Variants in VRK2 observed in about 807,000 individuals in gnomAD.
VRK2 encodes the protein serine/threonine-protein kinase VRK2.
Under a neutral mutation model 57.6 loss-of-function variants are expected in VRK2, and 60 were observed. That is an observed-to-expected ratio of 1.04 (90% CI 0.85 to 1.29). VRK2 has a LOEUF of 1.29. VRK2 is among the 50% of genes most tolerant of loss of function. VRK2 has a pLI of 0.00. For missense variants in VRK2, 705 were observed against 588.1 expected (o/e 1.20, Z -2.06); for synonymous variants, 231 against 199.2 (o/e 1.16, Z -1.35).
chr2:58,094,018 G>A (rs567348706), intron 7 of VRK2, among the ~76,000 whole-genome samples: 12 of 152,174 alleles, frequency 7.9e-5, no homozygotes, highest in African/African-American at 1.9e-4. Context: ...TGTTCCATTG[G>A]TCTATATCTC....
At chr2:58,033,626 T>C (rs184443673) in intron 3 of VRK2, 1 of 152,216 alleles carries the variant, frequency 6.6e-6, no homozygotes, top group East Asian at 1.9e-4. Context: ...AGTAAATTAA[T>C]ACAGACTACC....
chr2:58,133,640 A>G (rs1055213683), intron 9 of VRK2, among the ~76,000 whole-genome samples: 6 of 152,204 alleles, frequency 3.9e-5, no homozygotes, highest in Non-Finnish European at 2.9e-5. Context: ...TCACTCACAC[A>G]TATAAATAAT....
chr2:58,084,828 C>A, intron 3 of VRK2, 53 bp from the exon 4 acceptor site: 1 of 1,176,802 alleles, frequency 8.5e-7, no homozygotes, highest in Non-Finnish European at 1.2e-6. Flanking sequence ...AATAACAATT[C>A]CATCTTTGGG....
intron 1 of VRK2, among the ~76,000 whole-genome samples, chr2:57,963,450 T>A (rs1480161373): frequency 1.3e-5 from 2 of 152,236 alleles, no homozygotes; most frequent in African/African-American, 4.8e-5. Context: ...TTAAATGACC[T>A]CATATTTTAG....
intron 7 of VRK2, among the ~76,000 whole-genome samples, chr2:58,122,054 A>G (rs1314854266): frequency 1.3e-5 from 2 of 152,224 alleles, no homozygotes; most frequent in Admixed American, 6.5e-5. Context: ...CCCTGCTTGC[A>G]ATTCTAACTG....
chr2:57,977,763 G>A (rs960764395), intron 1 of VRK2, among the ~76,000 whole-genome samples: 3 of 151,140 alleles, frequency 2.0e-5, no homozygotes, highest in African/African-American at 4.9e-5. Context: ...TGTTGAATAG[G>A]AATGGTGACA....
chr2:58,138,370 A>T (rs932297036), intron 10 of VRK2, among the ~76,000 whole-genome samples: 1 of 152,152 alleles, frequency 6.6e-6, no homozygotes, highest in Non-Finnish European at 1.5e-5. Context: ...AATGCTAGAT[A>T]ACAGAATTTG....
chr2:58,061,075 A>C (rs1677254111), intron 2 of VRK2, among the ~76,000 whole-genome samples: 1 of 151,758 alleles, frequency 6.6e-6, no homozygotes, highest in Non-Finnish European at 1.5e-5. Context: ...AAGCAAAACC[A>C]GTTTAGTAAA....
intron 12 of VRK2, among the ~76,000 whole-genome samples, chr2:58,151,355 CTATCT>C (rs1198751304): frequency 8.6e-5 from 13 of 151,880 alleles, no homozygotes; most frequent in Non-Finnish European, 1.5e-4. Context: ...ATTAAATACT[CTATCT>C]TGAGTTCTAC....
intron 8 of VRK2, 64 bp from the exon 9 acceptor site, chr2:58,131,744 G>C: frequency 6.7e-7 from 1 of 1,490,402 alleles, no homozygotes; most frequent in Non-Finnish European, 8.9e-7. Flanking sequence ...TTCAACCAAA[G>C]ATTTCTCCAT....
intron 1 of VRK2, among the ~76,000 whole-genome samples, chr2:57,942,867 T>A (rs901331598): frequency 3.3e-5 from 5 of 152,210 alleles, no homozygotes; most frequent in Admixed American, 3.3e-4. Flanking sequence ...CTCCTGCATA[T>A]ATCTCTTGTA....
intron 1 of VRK2, among the ~76,000 whole-genome samples, chr2:57,927,168 C>T (rs1005539509): frequency 1.4e-4 from 22 of 151,912 alleles, no homozygotes; most frequent in African/African-American, 5.1e-4. Context: ...TACACTTAAA[C>T]TTCTTATCCC....
At chr2:58,093,704 A>G (rs1672704937) in intron 7 of VRK2, among the ~76,000 whole-genome samples, 2 of 152,052 alleles carry the variant, frequency 1.3e-5, no homozygotes, top group African/African-American at 4.8e-5. Flanking sequence ...TTTTGTTGCC[A>G]TTGCTTTTGG....
chr2:57,930,914 G>A (rs557333570), intron 1 of VRK2, among the ~76,000 whole-genome samples: 40 of 152,234 alleles, frequency 2.6e-4, no homozygotes, highest in Middle Eastern at 3.4e-3. Flanking sequence ...TTTTGCAAAT[G>A]AGAGGATTTT....
intron 11 of VRK2, among the ~76,000 whole-genome samples, chr2:58,140,711 A>G (rs893942004): frequency 6.6e-6 from 1 of 152,040 alleles, no homozygotes; most frequent in Non-Finnish European, 1.5e-5. Context: ...GATTTGCTGA[A>G]TTTTGTAGTT....
intron 3 of VRK2, among the ~76,000 whole-genome samples, chr2:58,037,396 T>C (rs548412706): frequency 6.6e-6 from 1 of 152,122 alleles, no homozygotes; most frequent in South Asian, 2.1e-4. Flanking sequence ...GCCCTAAGAA[T>C]AAAAACTGAA....
At chr2:57,954,426 T>C (rs1671519035) in intron 1 of VRK2, among the ~76,000 whole-genome samples, 1 of 152,114 alleles carries the variant, frequency 6.6e-6, no homozygotes, top group Non-Finnish European at 1.5e-5. Flanking sequence ...CTCAAAACCA[T>C]TCAGTTAGCA....
intron 2 of VRK2, among the ~76,000 whole-genome samples, chr2:58,076,501 C>T (rs995457239): frequency 6.6e-6 from 1 of 151,950 alleles, no homozygotes; most frequent in Non-Finnish European, 1.5e-5. Context: ...TGCTTTTTCA[C>T]CATTGTAAAG....
At chr2:57,977,523 A>G (rs759782950) in intron 1 of VRK2, among the ~76,000 whole-genome samples, 1 of 144,654 alleles carries the variant, frequency 6.9e-6, no homozygotes, top group African/African-American at 2.9e-5. Flanking sequence ...TGCAGGTTGG[A>G]CATTGTTGGT....
Sources: gnomAD v4.1 joint callset for allele counts (sites outside exome capture counted in the v4.1 genomes callset) on GRCh38, gnomAD v4.1.1 for gene constraint, MANE v1.5 for transcripts, NCBI Gene and HGNC (gene_info 2026-07-23, HGNC 2026-07-21) for gene names.